The following FOXN3 variants were observed in gnomAD, a reference collection of about 807,000 sequenced individuals.
The protein encoded by FOXN3 is forkhead box protein N3.
FOXN3 carries 7 observed loss-of-function variants against 38.4 expected under a neutral mutation model. The observed-to-expected ratio is 0.18, with a 90% CI of 0.10 to 0.34. The LOEUF is 0.34. FOXN3 is among the 10% of genes least tolerant of loss of function. The probability of loss-of-function intolerance (pLI) is 1.00; values close to 1 mark genes in which losing one functional copy is unlikely to be tolerated. For synonymous variants in FOXN3, 230 were observed against 242.2 expected (o/e 0.95, Z 0.47); for missense variants, 456 against 613.4 (o/e 0.74, Z 2.71).
At chr14:89,352,073 T>C (rs1326699333) in intron 2 of FOXN3, among the ~76,000 whole-genome samples, 1 of 152,200 alleles carries the variant, frequency 6.6e-6, no homozygotes, top group Non-Finnish European at 1.5e-5. Flanking sequence ...ATAGGAGAAT[T>C]GCTCAAAACC....
intron 1 of FOXN3, among the ~76,000 whole-genome samples, chr14:89,464,363 C>T (rs551819493): frequency 3.4e-4 from 52 of 152,278 alleles, no homozygotes; most frequent in Admixed American, 3.3e-3. Context: ...GCCAAGAGCA[C>T]TCATCCTCTA....
intron 1 of FOXN3, among the ~76,000 whole-genome samples, chr14:89,427,991 C>G (rs1450168693): frequency 6.6e-6 from 1 of 152,162 alleles, no homozygotes; most frequent in Admixed American, 6.5e-5. Flanking sequence ...AGTGAGTACA[C>G]CAAGTACCAT....
intron 1 of FOXN3, among the ~76,000 whole-genome samples, chr14:89,444,632 C>T (rs1193458784): frequency 6.6e-6 from 1 of 152,162 alleles, no homozygotes; most frequent in African/African-American, 2.4e-5. Flanking sequence ...GCTAAAGTAG[C>T]TTTCTCTGTA....
intron 1 of FOXN3, among the ~76,000 whole-genome samples, chr14:89,461,053 G>T (rs1215369500): frequency 6.8e-6 from 1 of 147,722 alleles, no homozygotes; most frequent in Non-Finnish European, 1.5e-5. Context: ...GGGGGAGGGG[G>T]CTGGGCGCAG....
intron 1 of FOXN3, among the ~76,000 whole-genome samples, chr14:89,485,698 G>C (rs962933327): frequency 6.6e-6 from 1 of 152,120 alleles, no homozygotes; most frequent in Non-Finnish European, 1.5e-5. Context: ...CAACGGGAAG[G>C]TGGAGTTTCC....
chr14:89,523,289 G>A (rs1384839295), intron 1 of FOXN3, among the ~76,000 whole-genome samples: 1 of 152,164 alleles, frequency 6.6e-6, no homozygotes, highest in Non-Finnish European at 1.5e-5. Flanking sequence ...ACCTTCTCTA[G>A]GTACCTGATA....
rs1488235214 is a variant in FOXN3, at chr14:89,506,753, G to A, written c.-14-94263C>T. 1.3e-5 allele frequency among the ~76,000 whole-genome samples: 2 copies of A among 152,240 alleles called. 1 individual carries two copies. The highest frequency in any genetic ancestry group is 3.9e-4 in the East Asian group (2 of 5,164). On this transcript the variant is annotated intron_variant, in intron 1 of 6. Transcript: ENST00000345097. ...TGTCTGTGTAGAAAGAGGTAGACAC[G>A]GGAGACTTTTCATTTTGTTCTGTAC...
At chr14:89,383,047 T>C (rs1890701173) in intron 2 of FOXN3, among the ~76,000 whole-genome samples, 1 of 148,172 alleles carries the variant, frequency 6.7e-6, no homozygotes, top group South Asian at 2.2e-4. Flanking sequence ...TTTTTTTTTT[T>C]TTTTTTTCCT....
intron 2 of FOXN3, among the ~76,000 whole-genome samples, chr14:89,406,942 C>G (rs948622898): frequency 6.6e-6 from 1 of 151,114 alleles, no homozygotes; most frequent in African/African-American, 2.4e-5. Flanking sequence ...AACTTAATCC[C>G]AGACATTAAA....
chr14:89,189,399 T>C (rs1886156), intron 4 of FOXN3, among the ~76,000 whole-genome samples: 133,345 of 152,240 alleles, frequency 0.88, 58,658 homozygotes, highest in African/African-American at 0.93. Flanking sequence ...AAGAAGGAGA[T>C]AGGTGAGTGC....
chr14:89,531,269 T>C (rs1411096447), intron 1 of FOXN3, among the ~76,000 whole-genome samples: 2 of 152,018 alleles, frequency 1.3e-5, no homozygotes, highest in African/African-American at 4.8e-5. Context: ...TGAACAAATC[T>C]CTCAGGTCTG....
At chr14:89,345,948 G>T (rs912954986) in intron 3 of FOXN3, among the ~76,000 whole-genome samples, 1 of 152,196 alleles carries the variant, frequency 6.6e-6, no homozygotes, top group Non-Finnish European at 1.5e-5. Flanking sequence ...AGCTACTCGG[G>T]AGGCTGAAGC....
Position 89,288,666 on chromosome 14 carries a change from CTCTT to C in FOXN3, c.681-7656_681-7653del, listed in dbSNP as rs1420215438. ...TACTCCAAAGGCTGTAATAGGCACTCTCTTTCTCTCTCTCTCTCTCTCTCTCTCT... is the reference window on the plus strand; with the variant it reads ...TACTCCAAAGGCTGTAATAGGCACTCTCTCTCTCTCTCTCTCTCTCTCTCT... On this transcript the variant is annotated intron_variant, in intron 3 of 5. Transcript: ENST00000557258. 2.4e-3 allele frequency among the ~76,000 whole-genome samples: 113 copies of C among 47,534 alleles called. 12 individuals are homozygous for C. Among genetic ancestry groups the C allele is most frequent in the East Asian group, 9.3e-3 (8 of 862 alleles). The allele number at this position is 47,534 out of a possible 152,430, so 31.2% of individuals were successfully genotyped here.
In FOXN3 at chr14:89,487,766, CT is replaced by C. The variant is rs756254164; in HGVS notation, c.-14-75277del. Among the ~76,000 whole-genome samples the C allele has an allele frequency of 1.1e-4, 17 of 152,188 alleles. No individual in the cohort carries two copies. In the South Asian group the frequency reaches 1.2e-3, roughly 11 times the overall value. ...GACACATACACAAGCAACTCAAATA[CT>C]GGCAGACCGTGTTATTTCTTATAAC... On this transcript the variant is annotated intron_variant, in intron 1 of 6. Coordinates refer to the FOXN3 transcript ENST00000345097.
intron 3 of FOXN3, among the ~76,000 whole-genome samples, chr14:89,313,966 T>C (rs1012334120): frequency 6.6e-6 from 1 of 152,142 alleles, no homozygotes; most frequent in Non-Finnish European, 1.5e-5. Context: ...AGAATGGTGG[T>C]TGCCCAGAGC....
chr14:89,367,977 G>A (rs777459268), intron 2 of FOXN3, among the ~76,000 whole-genome samples: 10 of 152,190 alleles, frequency 6.6e-5, no homozygotes, highest in Admixed American at 2.6e-4. Context: ...CAAAAGGTAG[G>A]AGCTGCTGAC....
At chr14:89,312,444 A>T (rs961667910) in intron 3 of FOXN3, among the ~76,000 whole-genome samples, 1 of 152,112 alleles carries the variant, frequency 6.6e-6, no homozygotes, top group Non-Finnish European at 1.5e-5. Context: ...TTGGATTAGC[A>T]GATACTTAAA....
At chr14:89,227,115 C>A (rs1884665265) in intron 4 of FOXN3, among the ~76,000 whole-genome samples, 1 of 152,216 alleles carries the variant, frequency 6.6e-6, no homozygotes, top group African/African-American at 2.4e-5. Flanking sequence ...CAAAGACCAA[C>A]TCATTCCATT....
At chr14:89,364,353 GTTTTGTTTTTGTTTTTGT>G (rs148973197) in intron 2 of FOXN3, 4 of 149,460 alleles carry the variant, frequency 2.7e-5, no homozygotes, top group Admixed American at 6.7e-5. Context: ...TTGTTTTTTT[GTTTTGTTTTTGTTTTTGT>G]TTTTGTTTTT....
Sources: allele counts gnomAD v4.1 joint callset (sites outside exome capture counted in the v4.1 genomes callset), GRCh38; gene constraint gnomAD v4.1.1; transcripts MANE v1.5; gene names NCBI Gene and HGNC (gene_info 2026-07-23, HGNC 2026-07-21).